DNAJC24: variants seen among roughly 807,000 people sequenced by gnomAD.
The protein encoded by DNAJC24 is DnaJ heat shock protein family (Hsp40) member C24.
DNAJC24 carries 17 observed loss-of-function variants against 18.0 expected under a neutral mutation model. That is an observed-to-expected ratio of 0.94 (90% CI 0.65 to 1.42). The LOEUF (loss-of-function observed/expected upper bound fraction) is 1.42. Among genes scored for constraint, DNAJC24 ranks in the 40% most tolerant of loss-of-function variants. The probability of loss-of-function intolerance (pLI) is 0.00; values close to 1 mark genes in which losing one functional copy is unlikely to be tolerated. For missense variants in DNAJC24, 158 were observed against 175.6 expected (o/e 0.90, Z 0.57); for synonymous variants, 55 against 57.7 (o/e 0.95, Z 0.21).
At chr11:31,392,864 G>T (rs1018911716) in intron 2 of DNAJC24, among the ~76,000 whole-genome samples, 4 of 151,956 alleles carry the variant, frequency 2.6e-5, no homozygotes, top group African/African-American at 9.7e-5. Flanking sequence ...AGCCAGCCTG[G>T]TCTCAAACTT....
chr11:31,417,875 A>C (rs976443219), intron 3 of DNAJC24, among the ~76,000 whole-genome samples: 1 of 152,068 alleles, frequency 6.6e-6, no homozygotes, highest in Non-Finnish European at 1.5e-5. Context: ...CTTGACGTCC[A>C]TATTTCTTTG....
chr11:31,423,436 T>C (rs924589959), intron 3 of DNAJC24, among the ~76,000 whole-genome samples: 5 of 152,122 alleles, frequency 3.3e-5, no homozygotes, highest in Non-Finnish European at 7.4e-5. Context: ...AATTTTTGTA[T>C]TTTTAGTAGA....
In DNAJC24 at chr11:31,393,171, A is replaced by G. The variant is rs1952515025; in HGVS notation, c.112-21640A>G. 4.6e-5 allele frequency among the ~76,000 whole-genome samples: 7 copies of G among 152,024 alleles called. No individual in the cohort carries two copies. The South Asian group carries it at 1.2e-3, about 27-fold the overall frequency. Reference sequence around the variant, plus strand: ...TACAGAGACAGCTACCACTTATCCTACCTTGCTTCTCTTTCTACCCCTAAC... The same window carrying G: ...TACAGAGACAGCTACCACTTATCCTGCCTTGCTTCTCTTTCTACCCCTAAC... On this transcript the variant is annotated intron_variant, in intron 2 of 4. Transcript: ENST00000465995.
intron 2 of DNAJC24, among the ~76,000 whole-genome samples, chr11:31,413,400 A>G (rs369358202): frequency 3.3e-4 from 45 of 135,174 alleles, no homozygotes; most frequent in African/African-American, 9.9e-4. Context: ...GTGCAATCTC[A>G]GCTCACTGCA....
chr11:31,398,533 A>G (rs1052245495), intron 2 of DNAJC24, among the ~76,000 whole-genome samples: 8 of 152,252 alleles, frequency 5.3e-5, no homozygotes, highest in African/African-American at 1.9e-4. Flanking sequence ...AAAGAAATAG[A>G]TAACTTTTAT....
At chr11:31,427,213 G>A (rs1952871115) in intron 4 of DNAJC24, 1 of 152,148 alleles carries the variant, frequency 6.6e-6, no homozygotes, top group Non-Finnish European at 1.5e-5. Flanking sequence ...AGAGCCATCT[G>A]AAACCAAATT....
intron 2 of DNAJC24, among the ~76,000 whole-genome samples, chr11:31,385,515 C>T (rs1952419534): frequency 6.6e-6 from 1 of 152,204 alleles, no homozygotes; most frequent in African/African-American, 2.4e-5. Flanking sequence ...AAAATTTAAT[C>T]ACTTACTGTC....
chr11:31,429,744 T>C (rs1015394437), intron 4 of DNAJC24: 18 of 168,854 alleles, frequency 1.1e-4, no homozygotes, highest in Admixed American at 3.6e-4. Flanking sequence ...GTTGTGTTTA[T>C]AGACTTAAGT....
chr11:31,392,944 A>G (rs1310143665), intron 2 of DNAJC24, among the ~76,000 whole-genome samples: 1 of 152,102 alleles, frequency 6.6e-6, no homozygotes, highest in East Asian at 1.9e-4. Flanking sequence ...CCACTGTGCC[A>G]CGCCTCCCTT....
At chr11:31,403,742 G>C (rs1024568244) in intron 2 of DNAJC24, among the ~76,000 whole-genome samples, 1 of 152,070 alleles carries the variant, frequency 6.6e-6, no homozygotes, top group Non-Finnish European at 1.5e-5. Flanking sequence ...AACAACTCAG[G>C]GCCGTATATT....
chr11:31,426,444 A>G, intron 4 of DNAJC24, 89 bp downstream of exon 4: 1 of 721,576 alleles, frequency 1.4e-6, no homozygotes, highest in South Asian at 1.9e-5. Context: ...TGGAAATCTT[A>G]AAAAGAAATA....
At chr11:31,393,854 A>G (rs1052295620) in intron 2 of DNAJC24, among the ~76,000 whole-genome samples, 1 of 152,168 alleles carries the variant, frequency 6.6e-6, no homozygotes, top group African/African-American at 2.4e-5. Flanking sequence ...TGCTGTAATT[A>G]TGTTCTTCAA....
At chr11:31,408,954 A>G (rs1952679910) in intron 2 of DNAJC24, among the ~76,000 whole-genome samples, 1 of 152,178 alleles carries the variant, frequency 6.6e-6, no homozygotes, top group African/African-American at 2.4e-5. Context: ...ATATTGTGAC[A>G]TATTTATGGT....
At chr11:31,421,483 G>C (rs976590321) in intron 3 of DNAJC24, among the ~76,000 whole-genome samples, 1 of 152,134 alleles carries the variant, frequency 6.6e-6, no homozygotes, top group African/African-American at 2.4e-5. Context: ...TGGCATTGCC[G>C]CACATGAATA....
In DNAJC24 at chr11:31,430,912, A is replaced by T. The variant is rs1952916303; in HGVS notation, c.*511A>T. On this transcript the variant is annotated 3_prime_UTR_variant, in exon 5 of 5. Coordinates refer to ENST00000465995, the MANE Select transcript of DNAJC24 (RefSeq NM_181706.5). Reference sequence around the variant, plus strand: ...GTTATTTCAAAGTTAATAAAGACAAAGTGGCAACTGTAGAAAGTGTTGCCT... The same window carrying T: ...GTTATTTCAAAGTTAATAAAGACAATGTGGCAACTGTAGAAAGTGTTGCCT... 1 of 152,616 alleles carries T rather than the reference A, an allele frequency of 6.6e-6. No homozygotes were observed. Among genetic ancestry groups the T allele is most frequent in the African/African-American group, 2.4e-5 (1 of 41,466 alleles). 9.5% of individuals were successfully genotyped at this position (152,616 alleles called of 1,614,324 possible). A position where few individuals can be genotyped will look rare whatever the true frequency, so the allele number is the denominator to read the frequency against.
chr11:31,408,158 G>T (rs763381208), intron 2 of DNAJC24: 5 of 456,012 alleles, frequency 1.1e-5, no homozygotes, highest in South Asian at 1.5e-5. Context: ...TTGGAAGGAC[G>T]CATCTGTCAC....
intron 2 of DNAJC24, among the ~76,000 whole-genome samples, chr11:31,399,177 G>A (rs12277314): frequency 0.39 from 59,273 of 151,976 alleles, 12,000 homozygotes; most frequent in African/African-American, 0.48. Context: ...CAGGACAGGG[G>A]TTATGCTACA....
chr11:31,408,555 T>G (rs1219266974), intron 2 of DNAJC24, among the ~76,000 whole-genome samples: 2 of 152,210 alleles, frequency 1.3e-5, no homozygotes, highest in African/African-American at 4.8e-5. Flanking sequence ...TGATGAGAAT[T>G]AAGATTTCAT....
intron 2 of DNAJC24, among the ~76,000 whole-genome samples, chr11:31,383,755 G>A (rs1371167880): frequency 6.6e-6 from 1 of 152,248 alleles, no homozygotes; most frequent in Non-Finnish European, 1.5e-5. Flanking sequence ...GCCAGCATAT[G>A]CCATAAGTGT....
Sources: allele counts gnomAD v4.1 joint callset (sites outside exome capture counted in the v4.1 genomes callset), GRCh38; gene constraint gnomAD v4.1.1; transcripts MANE v1.5; gene names NCBI Gene and HGNC (gene_info 2026-07-23, HGNC 2026-07-21).